The following TMEM237 variants were observed in gnomAD, a reference collection of about 807,000 sequenced individuals.
TMEM237 encodes the protein transmembrane protein 237.
TMEM237 carries 51 observed loss-of-function variants against 59.1 expected under a neutral mutation model. That is an observed-to-expected ratio of 0.86 (90% confidence interval 0.69 to 1.09). The LOEUF is 1.09. Ranked by LOEUF, TMEM237 falls within the 50% of genes least tolerant of loss-of-function variation. TMEM237 has a pLI of 0.00. For synonymous variants in TMEM237, 140 were observed against 166.1 expected, an observed-to-expected ratio of 0.84 and a Z score of 1.21; for missense variants, 475 against 478.3, an observed-to-expected ratio of 0.99 and a Z score of 0.06.
chr2:201,626,566 T>C (rs1022971364), intron 11 of TMEM237, among the ~76,000 whole-genome samples: 3 of 149,850 alleles, frequency 2.0e-5, no homozygotes, highest in Admixed American at 6.6e-5. Context: ...AAAGACTGCT[T>C]CTCTAAGTTT....
At chr2:201,642,743 ACC>A in intron 1 of TMEM237, 1 of 1,482,710 alleles carries the variant, frequency 6.7e-7, no homozygotes, top group Non-Finnish European at 8.9e-7. Flanking sequence ...CCTGGCTAGT[ACC>A]CCGCGCGCAG....
In TMEM237 at chr2:201,640,170, C is replaced by T. The variant is rs149203378; in HGVS notation, c.79+91G>A. ...AAACATATTGTAGAATTACAAATTA[C>T]ACCATTCAGACTCAGTTTTAAGAGA... On this transcript the variant is annotated intron_variant, in intron 3 of 12. Coordinates refer to ENST00000409883, the MANE Select transcript of TMEM237 (RefSeq NM_001044385.3). The T allele has an allele frequency of 1.7e-5, 18 of 1,031,456 alleles. No individual in the cohort carries two copies. In the African/African-American group the frequency reaches 2.5e-4, roughly 14 times the overall value. 63.9% of individuals were successfully genotyped at this position (1,031,456 alleles called of 1,614,324 possible).
At chr2:201,641,833 G>C (rs545165175) in intron 1 of TMEM237, among the ~76,000 whole-genome samples, 2 of 151,936 alleles carry the variant, frequency 1.3e-5, no homozygotes, top group Non-Finnish European at 2.9e-5. Flanking sequence ...AGCAGCAACC[G>C]GAACAAATGC....
intron 9 of TMEM237, 124 bp downstream of exon 9, chr2:201,629,106 A>T: frequency 1.4e-6 from 1 of 725,056 alleles, no homozygotes; most frequent in Non-Finnish European, 2.0e-6. Flanking sequence ...GACTGGCCTT[A>T]AAACTTTTTG....
At position 201,622,046 on chromosome 2, in the gene TMEM237, T is replaced by C. The variant is rs1957712924; in HGVS notation, c.*2209A>G. 1 of 152,154 alleles carries C rather than the reference T, an allele frequency of 6.6e-6. No individual in the cohort carries two copies. The highest frequency in any genetic ancestry group is 1.5e-5 in the Non-Finnish European group (1 of 68,038). 9.4% of individuals were successfully genotyped at this position (152,154 alleles called of 1,614,324 possible). On this transcript the variant is annotated 3_prime_UTR_variant, in exon 13 of 13. Transcript: ENST00000409883. The stretch of plus-strand genomic sequence containing the variant: ...TCCTTAATCAGGGAATACTCAATGT[T>C]TTTCCCTGATGAAGGACTTGTACAG...
Position 201,639,025 on chromosome 2 carries a change from G to T in TMEM237, c.100C>A (p.Pro34Thr). The T allele has an allele frequency of 6.3e-7, 1 of 1,582,742 alleles. No homozygotes were observed. ...PSQDDIPLSR[P>T]KKKKPRTKNT... ...TTTGTTCTGGGCTTCTTTTTCTTAG[G>T]ACGACTAAGTGGAATATCATCTATA... Residue 34 changes from proline to threonine, a missense_variant, in exon 4 of 13, where the codon CCT becomes ACT. By Grantham distance (38) the Pro-to-Thr change is conservative. Transcript: ENST00000409883.
chr2:201,640,945 T>C (rs764824493), intron 1 of TMEM237, 21 bp from the exon 2 acceptor site: 1 of 1,601,956 alleles, frequency 6.2e-7, no homozygotes, highest in South Asian at 1.1e-5. Flanking sequence ...AAAAATAAAT[T>C]TGCTTGTAAG....
At chr2:201,631,922 G>T in intron 7 of TMEM237, 129 bp downstream of exon 7, 1 of 929,154 alleles carries the variant, frequency 1.1e-6, no homozygotes, top group Non-Finnish European at 1.6e-6. Context: ...ATAGCATGAT[G>T]ACCAGTTTTG....
chr2:201,632,682 T>G (rs181622628), intron 6 of TMEM237, among the ~76,000 whole-genome samples: 1 of 152,324 alleles, frequency 6.6e-6, no homozygotes, highest in Admixed American at 6.5e-5. Context: ...TCCACCATGA[T>G]AGTAAGTTTC....
At chr2:201,638,026 C>T (rs1456288395) in intron 4 of TMEM237, among the ~76,000 whole-genome samples, 1 of 152,202 alleles carries the variant, frequency 6.6e-6, no homozygotes, top group African/African-American at 2.4e-5. Flanking sequence ...AATTCCACTG[C>T]TAGCAATCCA....
intron 5 of TMEM237, among the ~76,000 whole-genome samples, chr2:201,633,820 G>A (rs1207058791): frequency 6.6e-6 from 1 of 152,212 alleles, no homozygotes; most frequent in Non-Finnish European, 1.5e-5. Flanking sequence ...ACCAAGTCCA[G>A]AGGAAACCAA....
At chr2:201,639,494 C>CA (rs1687367635) in intron 3 of TMEM237, among the ~76,000 whole-genome samples, 1 of 152,084 alleles carries the variant, frequency 6.6e-6, no homozygotes, top group African/African-American at 2.4e-5. Flanking sequence ...GACCACAGCA[C>CA]AGAAGTAGCC....
intron 9 of TMEM237, 45 bp downstream of exon 9, chr2:201,629,171 CATTTTGCTCAGCAT>C: frequency 7.8e-7 from 1 of 1,288,792 alleles, no homozygotes; most frequent in Non-Finnish European, 1.0e-6. Context: ...GTCAGTGACA[CATTTTGCTCAGCAT>C]TTCCTCCTGA....
chr2:201,636,912 T>C (rs1230727379), intron 4 of TMEM237, 27 bp from the exon 5 acceptor site: 12 of 1,573,308 alleles, frequency 7.6e-6, no homozygotes, highest in African/African-American at 2.7e-5. Context: ...TAGAAAAAAA[T>C]GAGATTACTT....
intron 1 of TMEM237, chr2:201,642,828 A>G: frequency 7.4e-7 from 1 of 1,344,334 alleles, no homozygotes; most frequent in East Asian, 3.1e-5. Context: ...CCCTGCCAAA[A>G]AGGGGGCCTC....
intron 1 of TMEM237, among the ~76,000 whole-genome samples, chr2:201,642,144 C>CA (rs1687438172): frequency 6.6e-6 from 1 of 152,306 alleles, no homozygotes; most frequent in Admixed American, 6.5e-5. Context: ...GTTTGTAGTT[C>CA]AGACAGCATT....
Position 201,639,648 on chromosome 2 carries a change from T to A in TMEM237, c.80-603A>T, listed in dbSNP as rs541048375. On this transcript the variant is annotated intron_variant, in intron 3 of 12. Transcript: ENST00000409883. The stretch of plus-strand genomic sequence containing the variant: ...CTGTCTCTACTGAAAATACAAAAAG[T>A]AGCTGGGCATGGTGGCACACGCCTG... Among the ~76,000 whole-genome samples, 3 of 152,156 alleles carry A rather than the reference T, an allele frequency of 2.0e-5. No homozygotes were observed. The South Asian group carries it at 6.2e-4, about 32-fold the overall frequency.
Position 201,623,195 on chromosome 2 carries a change from G to C in TMEM237, c.*1060C>G. On this transcript the variant is annotated 3_prime_UTR_variant, in exon 13 of 13. Coordinates refer to ENST00000409883, the MANE Select transcript of TMEM237 (RefSeq NM_001044385.3). Reference sequence around the variant, plus strand: ...TCCTCTTCTGTTCTATAACATTCAGGTGCTTGCTAATCAGGGCAGGCTCAA... The same window carrying C: ...TCCTCTTCTGTTCTATAACATTCAGCTGCTTGCTAATCAGGGCAGGCTCAA... 1 of 406,804 alleles carries C rather than the reference G, an allele frequency of 2.5e-6. No individual in the cohort carries two copies. Among genetic ancestry groups the C allele is most frequent in the Non-Finnish European group, 5.0e-6 (1 of 199,994 alleles). The allele number at this position is 406,804 out of a possible 1,614,324, so 25.2% of individuals were successfully genotyped here.
rs199947989 is a variant in TMEM237, at chr2:201,629,361, C to T, written c.738G>A (p.Val246=). 53 of 1,608,602 alleles carry T rather than the reference C, an allele frequency of 3.3e-5. No individual in the cohort carries two copies. Among genetic ancestry groups the T allele is most frequent in the African/African-American group, 4.0e-5 (3 of 74,708 alleles). Residue 246 remains valine, a synonymous_variant, in exon 9 of 13, where the codon GTG becomes GTA. Transcript: ENST00000409883. The part of the protein sequence containing the change: ...LAGCAVWNIV[V]IYVLAGDQLS... The stretch of plus-strand genomic sequence containing the variant: ...GCTGATCTCCTGCTAGAACATATAT[C>T]ACAACAATATTCCACACAGCACAGC...
Sources: gnomAD v4.1 joint callset for allele counts (sites outside exome capture counted in the v4.1 genomes callset) on GRCh38, gnomAD v4.1.1 for gene constraint, MANE v1.5 for transcripts, NCBI Gene and HGNC (gene_info 2026-07-23, HGNC 2026-07-21) for gene names.